The following KIF3A variants were observed in gnomAD, a reference collection of about 807,000 sequenced individuals.
KIF3A encodes kinesin family member 3A.
Under a neutral mutation model 92.6 loss-of-function variants are expected in KIF3A, and 27 were observed. That is an observed-to-expected ratio of 0.29 (90% CI 0.21 to 0.40). The LOEUF (loss-of-function observed/expected upper bound fraction) is 0.40. Ranked by LOEUF, KIF3A falls within the 10% of genes least tolerant of loss-of-function variation. KIF3A has a pLI of 1.00. For missense variants in KIF3A, 581 were observed against 872.6 expected, an observed-to-expected ratio of 0.67 and a Z score of 4.21; for synonymous variants, 250 against 275.4, an observed-to-expected ratio of 0.91 and a Z score of 0.92.
intron 2 of KIF3A, among the ~76,000 whole-genome samples, chr5:132,727,856 G>C (rs1401858059): frequency 6.6e-6 from 1 of 152,064 alleles, no homozygotes; most frequent in Non-Finnish European, 1.5e-5. Context: ...TATGAAAACG[G>C]TTCCTCAACT....
At chr5:132,721,412 T>TTTTGTTTATA (rs1753818288) in intron 4 of KIF3A, 1 of 152,154 alleles carries the variant, frequency 6.6e-6, no homozygotes, top group Non-Finnish European at 1.5e-5. Flanking sequence ...TTTGGAAGGC[T>TTTTGTTTATA]CAGAGTCATC....
intron 1 of KIF3A, among the ~76,000 whole-genome samples, chr5:132,736,031 G>C (rs1169522831): frequency 1.3e-5 from 2 of 152,144 alleles, no homozygotes; most frequent in Admixed American, 6.5e-5. Flanking sequence ...TTATCCTTCA[G>C]AACTCAACAG....
At position 132,716,378 on chromosome 5, in the gene KIF3A, T is replaced by C. The variant is rs765142364; in HGVS notation, c.821A>G (p.Asn274Ser). ...ATTACCAAGGGTGGAAAGTGAAAGA[T>C]TGATTTTTGTAGCTTCCTTTAGGCG... ...GQRLKEATKI[N>S]LSLSTLGNVI... The change falls in exon 7 of 19, where the codon AAT (asparagine) becomes AGT (serine). Residue 274 changes from asparagine (N) to serine (S), a missense_variant. Asn to Ser is a conservative substitution (Grantham distance 46). Coordinates refer to ENST00000403231, the MANE Select transcript of KIF3A (RefSeq NM_001300791.2). 8 of 1,613,936 alleles carry C rather than the reference T, an allele frequency of 5.0e-6. No homozygotes were observed. The highest frequency in any genetic ancestry group is 1.3e-5 in the African/African-American group (1 of 74,928).
At chr5:132,700,182 GTGTTT>G (rs778437226) in intron 17 of KIF3A, 29 bp downstream of exon 17, 18 of 1,148,170 alleles carry the variant, frequency 1.6e-5, no homozygotes, top group Admixed American at 4.1e-5. Context: ...CAGTAGTTTT[GTGTTT>G]TGTTTTGTTT....
chr5:132,709,627 G>A (rs1278208217), intron 9 of KIF3A, among the ~76,000 whole-genome samples: 2 of 152,044 alleles, frequency 1.3e-5, no homozygotes, highest in Non-Finnish European at 2.9e-5. Flanking sequence ...ATCAGCTTTA[G>A]CTTTGAAAAT....
downstream of KIF3A, among the ~76,000 whole-genome samples, chr5:132,691,625 G>A (rs1752666537): frequency 6.7e-6 from 1 of 148,906 alleles, no homozygotes; most frequent in Non-Finnish European, 1.5e-5. Flanking sequence ...TTCTCCAGCT[G>A]GGCACAGTAG....
intron 10 of KIF3A, among the ~76,000 whole-genome samples, chr5:132,708,176 G>A (rs1753285531): frequency 6.6e-6 from 1 of 151,816 alleles, no homozygotes; most frequent in Admixed American, 6.6e-5. Context: ...TAGCTACTCG[G>A]GAAGCTGAGG....
intron 1 of KIF3A, among the ~76,000 whole-genome samples, chr5:132,735,141 C>T (rs1325664635): frequency 6.6e-6 from 1 of 152,064 alleles, no homozygotes; most frequent in Non-Finnish European, 1.5e-5. Flanking sequence ...GTGGCGTGAT[C>T]TCAGCTCACT....
intron 18 of KIF3A, among the ~76,000 whole-genome samples, chr5:132,698,441 T>A (rs1190775144): frequency 6.6e-6 from 1 of 152,170 alleles, no homozygotes; most frequent in Non-Finnish European, 1.5e-5. Flanking sequence ...GGGGGAAATG[T>A]CCAAGGAAGT....
chr5:132,706,676 G>A (rs1190764095), intron 10 of KIF3A, among the ~76,000 whole-genome samples: 1 of 152,088 alleles, frequency 6.6e-6, no homozygotes, highest in Non-Finnish European at 1.5e-5. Flanking sequence ...TGTCATTTAA[G>A]CAAGAATATT....
At chr5:132,691,839 T>A (rs1288494441), downstream of KIF3A, among the ~76,000 whole-genome samples, 1 of 151,404 alleles carries the variant, frequency 6.6e-6, no homozygotes, top group Admixed American at 6.6e-5. Flanking sequence ...GAGGTGGAGG[T>A]TGCAGTGAGC....
rs1187301902 is a variant in KIF3A at position 132,715,907 on chromosome 5, A to G, written c.979T>C (p.Tyr327His). ...MMCANIGPAD[Y>H]NYDETISTLR... ...GTACTGATAGTTTCATCATAATTGT[A>G]ATCTGCTGGCCCAATATTTGCACAC... The change falls in exon 8 of 19, where the codon TAC becomes CAC. Residue 327 changes from tyrosine (Y) to histidine (H), a missense_variant. Transcript: ENST00000403231. 1.8e-5 allele frequency: 28 copies of G among 1,598,076 alleles called. No homozygotes were observed. Among genetic ancestry groups the G allele is most frequent in the Non-Finnish European group, 2.3e-5 (27 of 1,173,194 alleles).
At position 132,694,112 on chromosome 5, in the gene KIF3A, G is replaced by A. The variant is rs145403816; in HGVS notation, c.*2522C>T. 1,617 of 151,060 alleles carry A rather than the reference G, an allele frequency of 0.011. 14 individuals carry two copies. The highest frequency in any genetic ancestry group is 0.027 in the African/African-American group (1,111 of 41,134). The allele number at this position is 151,060 out of a possible 1,614,324, so 9.4% of individuals were successfully genotyped here. On this transcript the variant is annotated 3_prime_UTR_variant, in exon 19 of 19. Coordinates refer to ENST00000403231, the MANE Select transcript of KIF3A (RefSeq NM_001300791.2). ...TTTTTAAAAAACTGCTATAGTAGGC[G>A]GGGTGTGGTGGCTCAGGCCTATAAT...
At chr5:132,699,375 A>C in intron 17 of KIF3A, 80 bp from the exon 18 acceptor site, 1 of 1,413,082 alleles carries the variant, frequency 7.1e-7, no homozygotes, top group East Asian at 2.3e-5. Context: ...AAAATACTGA[A>C]TAAACTCCTT....
chr5:132,699,501 A>G (rs1288650560), intron 17 of KIF3A: 10 of 627,304 alleles, frequency 1.6e-5, no homozygotes, highest in Admixed American at 8.8e-5. Context: ...ACACACTATA[A>G]ATTTCCTTGG....
chr5:132,732,882 C>A (rs1049265590), intron 2 of KIF3A, among the ~76,000 whole-genome samples: 1 of 150,864 alleles, frequency 6.6e-6, no homozygotes, highest in Non-Finnish European at 1.5e-5. Context: ...GCAATCCAGC[C>A]TGGGCGACAG....
rs1455487038 is a variant in KIF3A, at chr5:132,716,250, T to A, written c.949A>T (p.Met317Leu). 6.2e-7 allele frequency: 1 copy of A among 1,612,396 alleles called. No homozygotes were observed. The highest frequency in any genetic ancestry group is 1.1e-5 in the South Asian group (1 of 90,998). The stretch of plus-strand genomic sequence containing the variant: ...TATCACCAATTAAGTCTTACCATCA[T>A]GGTTTTTGAATTTCCTCCTAAGGAA... ...QDSLGGNSKTMMCANIGPADY... is the reference protein window; with the variant it reads ...QDSLGGNSKTLMCANIGPADY... Residue 317 changes from methionine to leucine, a missense_variant, in exon 7 of 19, where the codon ATG becomes TTG. Met to Leu is a conservative substitution (Grantham distance 15, BLOSUM62 2). This residue lies in a region of KIF3A where 40 missense variants were observed against 107.0 expected (regional missense o/e 0.37). Coordinates refer to ENST00000403231, the MANE Select transcript of KIF3A (RefSeq NM_001300791.2).
chr5:132,721,074 C>G (rs1753807421), intron 4 of KIF3A, among the ~76,000 whole-genome samples: 1 of 151,914 alleles, frequency 6.6e-6, no homozygotes, highest in South Asian at 2.1e-4. Flanking sequence ...GTGCAAGAAT[C>G]CTGAAATAAG....
At chr5:132,731,531 C>T (rs149390459) in intron 2 of KIF3A, among the ~76,000 whole-genome samples, 1 of 152,142 alleles carries the variant, frequency 6.6e-6, no homozygotes, top group Non-Finnish European at 1.5e-5. Flanking sequence ...AATTTACAGA[C>T]ATCATCATAC....
Sources: gnomAD v4.1 joint callset for allele counts (sites outside exome capture counted in the v4.1 genomes callset) on GRCh38, gnomAD v4.1.1 for gene constraint, gnomAD v4.1.1 regional missense constraint, MANE v1.5 for transcripts, NCBI Gene and HGNC (gene_info 2026-07-23, HGNC 2026-07-21) for gene names.